The following MRAP variants were observed in gnomAD, a reference collection of about 807,000 sequenced individuals.
MRAP encodes melanocortin-2 receptor accessory protein.
In MRAP, 8 loss-of-function variants were observed where a neutral mutation model predicts 8.7. The ratio of observed to expected loss-of-function variants is 0.92; its 90% confidence interval spans 0.54 to 1.66. MRAP has a LOEUF of 1.66. Ranked by LOEUF, MRAP falls within the 40% of genes most tolerant of loss-of-function variation. MRAP has a pLI of 0.00. For missense variants in MRAP, 237 were observed against 217.1 expected, an observed-to-expected ratio of 1.09 and a Z score of -0.58; for synonymous variants, 95 against 95.5, an observed-to-expected ratio of 1.00 and a Z score of 0.03.
intron 1 of MRAP, chr21:32,306,359 G>C (rs577344853): frequency 1.0e-4 from 45 of 444,368 alleles, no homozygotes; most frequent in Non-Finnish European, 1.7e-4. Context: ...AGATGCATGG[G>C]GTGGGGGGGC....
chr21:32,313,478 G>A (rs540674533), downstream of MRAP: 7 of 152,340 alleles, frequency 4.6e-5, no homozygotes, highest in African/African-American at 7.2e-5. Flanking sequence ...GCGTTGTAAG[G>A]TTTATTTGGG....
rs2032555760 is a variant in MRAP at position 32,311,148 on chromosome 21, G to A, written c.207-536G>A. ...GACACAGGCAAAAGGGCATGTGCAG[G>A]GAAACTCCCCTTTATAAAACCATCA... On this transcript the variant is annotated intron_variant, in intron 2 of 2. Coordinates refer to ENST00000303645, the MANE Select transcript of MRAP (RefSeq NM_001379228.1). 3 of 154,960 alleles carry A rather than the reference G, an allele frequency of 1.9e-5. 1 individual carries two copies. The South Asian group carries it at 6.0e-4, about 31-fold the overall frequency. 9.6% of individuals were successfully genotyped at this position (154,960 alleles called of 1,614,324 possible).
upstream of MRAP, among the ~76,000 whole-genome samples, chr21:32,296,107 T>C (rs2032134334): frequency 6.6e-6 from 1 of 152,182 alleles, no homozygotes; most frequent in Non-Finnish European, 1.5e-5. Flanking sequence ...CAATTGTCAA[T>C]GGCCATCTCC....
chr21:32,298,820 T>A (rs187810953), upstream of MRAP: 122 of 667,058 alleles, frequency 1.8e-4, no homozygotes, highest in African/African-American at 1.9e-3. Flanking sequence ...GCCAAATAGC[T>A]CTGATAAGTG....
intron 1 of MRAP, among the ~76,000 whole-genome samples, chr21:32,306,091 G>A (rs1476879849): frequency 1.3e-5 from 2 of 152,190 alleles, no homozygotes; most frequent in Non-Finnish European, 2.9e-5. Flanking sequence ...TGCCGATCCA[G>A]GCATGAGCAG....
At chr21:32,296,166 ACCT>A (rs2032135353), upstream of MRAP, among the ~76,000 whole-genome samples, 2 of 151,808 alleles carry the variant, frequency 1.3e-5, no homozygotes, top group African/African-American at 4.8e-5. Context: ...TGGTATCCCA[ACCT>A]CCTCTTCTTA....
intron 2 of MRAP, among the ~76,000 whole-genome samples, chr21:32,307,583 A>G (rs2032451551): frequency 6.6e-6 from 1 of 151,704 alleles, no homozygotes; most frequent in African/African-American, 2.4e-5. Context: ...TCTCAAAAAA[A>G]AAAAAAAAAA....
chr21:32,304,362 A>AC (rs1028799553), intron 1 of MRAP, among the ~76,000 whole-genome samples: 11 of 152,210 alleles, frequency 7.2e-5, no homozygotes, highest in African/African-American at 2.6e-4. Context: ...CACGCCTGTA[A>AC]CCCCAGCACT....
At chr21:32,299,212 C>T (rs2032203003) in intron 1 of MRAP, 135 bp downstream of exon 1, 1 of 720,776 alleles carries the variant, frequency 1.4e-6, no homozygotes, top group East Asian at 2.7e-5. Flanking sequence ...GTGGCCAGTT[C>T]ACTCATAGAT....
At chr21:32,314,433 C>T (rs1601114415), downstream of MRAP, 1 of 867,334 alleles carries the variant, frequency 1.2e-6, no homozygotes. Flanking sequence ...GATTCACCCG[C>T]CTTGGCCTCC....
chr21:32,293,787 A>G (rs2032092441), intron 2 of MRAP, among the ~76,000 whole-genome samples: 1 of 152,254 alleles, frequency 6.6e-6, no homozygotes, highest in Non-Finnish European at 1.5e-5. Flanking sequence ...GTATTTGTTA[A>G]TATAAGTATG....
upstream of MRAP, among the ~76,000 whole-genome samples, chr21:32,294,313 C>T (rs931647658): frequency 6.6e-6 from 1 of 152,020 alleles, no homozygotes; most frequent in Non-Finnish European, 1.5e-5. Flanking sequence ...GAAGGGGTTT[C>T]GCCATTTTAG....
chr21:32,311,477 T>G, intron 2 of MRAP: 1 of 346,408 alleles, frequency 2.9e-6, no homozygotes, highest in African/African-American at 2.3e-5. Flanking sequence ...TGAGGCCTAG[T>G]TCCTGACAAA....
chr21:32,311,881 G>T lies in MRAP; in HGVS notation c.404G>T (p.Gly135Val), dbSNP rs1197668725. The part of the protein sequence containing the change: ...QESSSTLPLG[G>V]FQTHPTLLWE... ...AGCTCCTCCACCTTGCCCCTCGGGG[G>T]TTTCCAGACCCACCCCACTCTCCTC... The change falls in exon 3 of 3, where the codon GGT becomes GTT. Residue 135 changes from glycine (G) to valine (V), a missense_variant. Transcript: ENST00000303645. 7 of 1,614,058 alleles carry T rather than the reference G, an allele frequency of 4.3e-6. No individual in the cohort carries two copies. The East Asian group carries it at 1.3e-4, about 31-fold the overall frequency.
At chr21:32,313,853 A>G (rs371549007), downstream of MRAP, 8 of 152,364 alleles carry the variant, frequency 5.3e-5, no homozygotes, top group African/African-American at 1.9e-4. Flanking sequence ...CCCAACTAAT[A>G]TATGACCATT....
intron 2 of MRAP, 133 bp from the exon 3 acceptor site, chr21:32,311,551 A>G: frequency 7.5e-7 from 1 of 1,328,098 alleles, no homozygotes; most frequent in African/African-American, 1.5e-5. Context: ...GACCCTTCTC[A>G]GGAATTTGCC....
chr21:32,292,678 A>C (rs377253040), intron 1 of MRAP, among the ~76,000 whole-genome samples: 1 of 151,960 alleles, frequency 6.6e-6, no homozygotes, highest in East Asian at 1.9e-4. Context: ...GCTGGTCTCG[A>C]ACTCCTGACC....
intron 2 of MRAP, among the ~76,000 whole-genome samples, chr21:32,308,243 T>C (rs1226201959): frequency 1.3e-5 from 2 of 151,906 alleles, no homozygotes; most frequent in Admixed American, 1.3e-4. Context: ...CCAGGTGTGG[T>C]GGTGTATGCC....
chr21:32,299,156 T>A, intron 1 of MRAP, 79 bp downstream of exon 1: 1 of 1,062,030 alleles, frequency 9.4e-7, no homozygotes, highest in Non-Finnish European at 1.4e-6. Flanking sequence ...CGGCTTTCTC[T>A]GCATTCACTT....
Sources: gnomAD v4.1 joint callset for allele counts (sites outside exome capture counted in the v4.1 genomes callset) on GRCh38, gnomAD v4.1.1 for gene constraint, MANE v1.5 for transcripts, NCBI Gene and HGNC (gene_info 2026-07-23, HGNC 2026-07-21) for gene names.